Variants in UNC5D observed in about 807,000 individuals in gnomAD.
The protein encoded by UNC5D is netrin receptor UNC5D.
In UNC5D, 39 loss-of-function variants were observed where a neutral mutation model predicts 105.4. That is an observed-to-expected ratio of 0.37 (90% CI 0.29 to 0.48). The LOEUF is 0.48. Ranked by LOEUF, UNC5D falls within the 20% of genes least tolerant of loss-of-function variation. UNC5D has a pLI of 0.98. For synonymous variants in UNC5D, 452 were observed against 450.4 expected, an observed-to-expected ratio of 1.00 and a Z score of -0.04; for missense variants, 991 against 1,202.4, an observed-to-expected ratio of 0.82 and a Z score of 2.60.
At chr8:35,420,468 T>C (rs1205480015) in intron 1 of UNC5D, among the ~76,000 whole-genome samples, 1 of 152,194 alleles carries the variant, frequency 6.6e-6, no homozygotes, top group Non-Finnish European at 1.5e-5. Flanking sequence ...CTCTGAACTG[T>C]CTTGTGTGTG....
At chr8:35,457,007 T>A (rs1808541260) in intron 1 of UNC5D, among the ~76,000 whole-genome samples, 1 of 152,226 alleles carries the variant, frequency 6.6e-6, no homozygotes, top group Non-Finnish European at 1.5e-5. Context: ...TTTTGAGTTT[T>A]CACTCAAATT....
chr8:35,588,904 G>A (rs779192849), intron 3 of UNC5D, among the ~76,000 whole-genome samples: 15 of 152,060 alleles, frequency 9.9e-5, no homozygotes, highest in Non-Finnish European at 1.3e-4. Context: ...TTAGCCAGAC[G>A]TGGTGGCACA....
intron 4 of UNC5D, among the ~76,000 whole-genome samples, chr8:35,662,233 G>A (rs1324637325): frequency 1.3e-5 from 2 of 149,820 alleles, no homozygotes; most frequent in Admixed American, 1.3e-4. Flanking sequence ...ACTGATTTAA[G>A]TGAAATCTGG....
At chr8:35,437,229 T>C (rs1243221624) in intron 1 of UNC5D, among the ~76,000 whole-genome samples, 1 of 152,112 alleles carries the variant, frequency 6.6e-6, no homozygotes, top group African/African-American at 2.4e-5. Flanking sequence ...AATTTAAACA[T>C]GTGCCATTAT....
intron 4 of UNC5D, among the ~76,000 whole-genome samples, chr8:35,602,628 G>A (rs542497124): frequency 6.6e-6 from 1 of 152,184 alleles, no homozygotes; most frequent in Non-Finnish European, 1.5e-5. Flanking sequence ...TTGTATTTCT[G>A]TGGGATTGGT....
At chr8:35,310,965 C>T (rs1209925487) in intron 1 of UNC5D, among the ~76,000 whole-genome samples, 1 of 152,062 alleles carries the variant, frequency 6.6e-6, no homozygotes, top group African/African-American at 2.4e-5. Context: ...AGTGGGCAAG[C>T]AGGACTAGAT....
Position 35,722,627 on chromosome 8 carries a change from G to A in UNC5D, c.1303+232G>A, listed in dbSNP as rs187403578. On this transcript the variant is annotated intron_variant, in intron 9 of 16. Coordinates refer to ENST00000404895, the MANE Select transcript of UNC5D (RefSeq NM_080872.4). ...TATTATCAGCAACATTTTCAATGAG[G>A]CATTTCCATTTTTGATGTAGGGTCA... 3.1e-3 allele frequency among the ~76,000 whole-genome samples: 476 copies of A among 152,292 alleles called. 4 individuals carry two copies. Among genetic ancestry groups the A allele is most frequent in the Non-Finnish European group, 5.8e-3 (396 of 68,020 alleles).
intron 11 of UNC5D, among the ~76,000 whole-genome samples, chr8:35,736,061 A>G (rs1048335327): frequency 2.0e-5 from 3 of 152,190 alleles, no homozygotes; most frequent in African/African-American, 7.2e-5. Flanking sequence ...TCATCTCAGT[A>G]AAATATGAAA....
intron 1 of UNC5D, among the ~76,000 whole-genome samples, chr8:35,536,977 C>T (rs937675095): frequency 1.3e-5 from 2 of 151,618 alleles, no homozygotes; most frequent in Admixed American, 1.3e-4. Flanking sequence ...GTCTGGGTGA[C>T]AGAGCGAGAC....
At chr8:35,417,159 A>G (rs1389263153) in intron 1 of UNC5D, among the ~76,000 whole-genome samples, 1 of 152,148 alleles carries the variant, frequency 6.6e-6, no homozygotes, top group African/African-American at 2.4e-5. Context: ...GCTATCAAAT[A>G]CTAAGTCTTA....
At chr8:35,448,003 A>G (rs2128988786) in intron 1 of UNC5D, among the ~76,000 whole-genome samples, 1 of 152,208 alleles carries the variant, frequency 6.6e-6, no homozygotes. Context: ...TCTCTTTTCC[A>G]GTATTCTCCA....
intron 7 of UNC5D, among the ~76,000 whole-genome samples, chr8:35,705,139 C>T (rs1373012823): frequency 1.3e-5 from 2 of 151,898 alleles, no homozygotes; most frequent in East Asian, 1.9e-4. Context: ...TAATTTTTTA[C>T]ATTTTTAGTA....
At chr8:35,782,502 ATTT>A (rs939339572) in intron 16 of UNC5D, among the ~76,000 whole-genome samples, 109 of 138,212 alleles carry the variant, frequency 7.9e-4, no homozygotes, top group African/African-American at 1.2e-3. Flanking sequence ...CTACTCAAAA[ATTT>A]TTTTTTTTTT....
chr8:35,370,959 TA>T (rs1802396785), intron 1 of UNC5D, among the ~76,000 whole-genome samples: 1 of 152,182 alleles, frequency 6.6e-6, no homozygotes, highest in African/African-American at 2.4e-5. Context: ...TATGGTGGCT[TA>T]TACCTGTAAT....
chr8:35,639,024 C>G (rs1481245254), intron 4 of UNC5D, among the ~76,000 whole-genome samples: 1 of 152,132 alleles, frequency 6.6e-6, no homozygotes, highest in African/African-American at 2.4e-5. Flanking sequence ...GCTACAGATA[C>G]CATAGTTAAG....
At chr8:35,450,601 A>G (rs1362776426) in intron 1 of UNC5D, among the ~76,000 whole-genome samples, 1 of 152,198 alleles carries the variant, frequency 6.6e-6, no homozygotes, top group Non-Finnish European at 1.5e-5. Context: ...TGATTATAAA[A>G]TATACTTCAA....
intron 1 of UNC5D, among the ~76,000 whole-genome samples, chr8:35,404,097 T>C (rs1804649728): frequency 6.6e-6 from 1 of 152,200 alleles, no homozygotes; most frequent in African/African-American, 2.4e-5. Context: ...CAGCCTGTTA[T>C]AGGACATGAA....
Position 35,467,752 on chromosome 8 carries a change from A to G in UNC5D, c.104-81540A>G, listed in dbSNP as rs577111128. 5.2e-4 allele frequency among the ~76,000 whole-genome samples: 79 copies of G among 152,246 alleles called. 1 individual carries two copies. Among genetic ancestry groups the G allele is most frequent in the African/African-American group, 1.8e-3 (75 of 41,564 alleles). On this transcript the variant is annotated intron_variant, in intron 1 of 16. Coordinates refer to ENST00000404895, the MANE Select transcript of UNC5D (RefSeq NM_080872.4). ...GATGTTGGGGTAGGGTGGAGGGAAT[A>G]GAACTCATTCAAGATTACCAAGCAC...
chr8:35,587,283 AACACAC>A (rs35992580), intron 3 of UNC5D, among the ~76,000 whole-genome samples: 157 of 150,202 alleles, frequency 1.0e-3, no homozygotes, highest in African/African-American at 3.7e-3. Context: ...GTACCATTCA[AACACAC>A]ACACACACAC....
Sources: allele counts gnomAD v4.1 joint callset (sites outside exome capture counted in the v4.1 genomes callset), GRCh38; gene constraint gnomAD v4.1.1; transcripts MANE v1.5; gene names NCBI Gene and HGNC (gene_info 2026-07-23, HGNC 2026-07-21).